Variants in AIFM1 observed in about 807,000 individuals in gnomAD.
The protein encoded by AIFM1 is apoptosis inducing factor mitochondria associated 1, also known as apoptosis-inducing factor 1, mitochondrial.
AIFM1 carries 3 observed loss-of-function variants against 51.7 expected under a neutral mutation model. That is an observed-to-expected ratio of 0.06 (90% CI 0.03 to 0.15). AIFM1 has a LOEUF of 0.15. AIFM1 is among the 10% of genes least tolerant of loss of function. AIFM1 has a pLI of 1.00. For synonymous variants in AIFM1, 178 were observed against 179.4 expected, an observed-to-expected ratio of 0.99 and a Z score of 0.06; for missense variants, 330 against 476.8, an observed-to-expected ratio of 0.69 and a Z score of 2.87.
chrX:130,149,622 G>A (rs1393510991), intron 2 of AIFM1, 54 bp from the exon 3 acceptor site: 7 of 850,352 alleles, frequency 8.2e-6, no homozygotes, highest in Non-Finnish European at 1.2e-5. Context: ...AGCTCATACT[G>A]TAAGTAATAT....
intron 1 of AIFM1, among the ~76,000 whole-genome samples, chrX:130,157,751 G>C (rs1301046853): frequency 9.1e-6 from 1 of 109,719 alleles, no homozygotes; most frequent in African/African-American, 3.3e-5. Flanking sequence ...CAGATCACGA[G>C]GTCAAGAGAT....
chrX:130,157,935 CAGAGTGAGACTCCGTCTCAAAAA>C (rs1208920054), intron 1 of AIFM1, among the ~76,000 whole-genome samples: 23 of 79,140 alleles, frequency 2.9e-4, no homozygotes, highest in African/African-American at 1.1e-3. Context: ...AGCCTGGCAA[CAGAGTGAGACTCCGTCTCAAAAA>C]AAAAAAAAAA....
chrX:130,147,013 T>C, intron 5 of AIFM1, among the ~76,000 whole-genome samples: 1 of 110,718 alleles, frequency 9.0e-6, no homozygotes, highest in Non-Finnish European at 1.9e-5. Flanking sequence ...ATACAAAAAA[T>C]TAGCCGGGTG....
intron 1 of AIFM1, among the ~76,000 whole-genome samples, chrX:130,162,129 T>C (rs759484497): frequency 1.8e-5 from 2 of 112,137 alleles, no homozygotes; most frequent in East Asian, 5.6e-4. Flanking sequence ...TGGTACAAGA[T>C]GCTAAGGACA....
At chrX:130,155,907 A>G (rs1178919220) in intron 2 of AIFM1, among the ~76,000 whole-genome samples, 1 of 112,283 alleles carries the variant, frequency 8.9e-6, no homozygotes, top group Non-Finnish European at 1.9e-5. Context: ...TAAACACCAT[A>G]TTTCTCACCT....
At chrX:130,164,545 AT>A (rs935466261) in intron 1 of AIFM1, among the ~76,000 whole-genome samples, 3 of 111,178 alleles carry the variant, frequency 2.7e-5, no homozygotes, top group Non-Finnish European at 3.8e-5. Flanking sequence ...AGGATTACTG[AT>A]TTTTTTTTCA....
chrX:130,156,701 CCA>C (rs1450372500), intron 1 of AIFM1, 98 bp from the exon 2 acceptor site: 15 of 934,188 alleles, frequency 1.6e-5, no homozygotes, highest in Non-Finnish European at 2.0e-5. Context: ...GACTTATTGC[CCA>C]CAGATATTCA....
At chrX:130,148,319 T>C (rs191781652) in intron 3 of AIFM1, among the ~76,000 whole-genome samples, 11 of 110,862 alleles carry the variant, frequency 9.9e-5, no homozygotes, top group Non-Finnish European at 1.7e-4. Flanking sequence ...TGTTCAAGAA[T>C]AAGGGGGTGC....
chrX:130,136,245 G>GTC, intron 11 of AIFM1, 60 bp from the exon 12 acceptor site: 2 of 1,149,238 alleles, frequency 1.7e-6, no homozygotes, highest in Admixed American at 4.4e-5. Context: ...GCCTACAGGC[G>GTC]TAACAATGGC....
chrX:130,165,820 G>C lies in AIFM1; in HGVS notation c.-164C>G, dbSNP rs1257724095. ...GGGCATTGGACAGAGAAGCCGGCCT[G>C]CTAGAGCCGGGGAAGGGGAACGGCG... On this transcript the variant is annotated 5_prime_UTR_variant, in exon 1 of 16. Transcript: ENST00000287295. 1.2e-5 allele frequency: 6 copies of C among 516,950 alleles called. No individual in the cohort carries two copies. Among genetic ancestry groups the C allele is most frequent in the Non-Finnish European group, 2.1e-5 (6 of 289,518 alleles). The allele number at this position is 516,950 out of a possible 1,213,427, so 42.6% of individuals were successfully genotyped here. A position where few individuals can be genotyped will look rare whatever the true frequency, so the allele number is the denominator to read the frequency against.
intron 12 of AIFM1, among the ~76,000 whole-genome samples, chrX:130,134,519 G>A (rs774733723): frequency 1.8e-5 from 2 of 110,929 alleles, no homozygotes; most frequent in South Asian, 7.6e-4. Context: ...TATGTTGTCC[G>A]GGTTGCTGAG....
intron 12 of AIFM1, among the ~76,000 whole-genome samples, chrX:130,134,537 T>C (rs893136722): frequency 1.8e-5 from 2 of 111,413 alleles, no homozygotes; most frequent in Non-Finnish European, 3.8e-5. Context: ...GAGACAAAAC[T>C]GACATGGACC....
chrX:130,153,331 C>T (rs1340299347), intron 2 of AIFM1, among the ~76,000 whole-genome samples: 1 of 84,217 alleles, frequency 1.2e-5, no homozygotes, highest in Non-Finnish European at 2.2e-5. Context: ...CCAGCCTGGG[C>T]GACACAGAGA....
At chrX:130,156,735 T>A in intron 1 of AIFM1, 132 bp from the exon 2 acceptor site, 1 of 737,020 alleles carries the variant, frequency 1.4e-6, no homozygotes, top group Non-Finnish European at 2.0e-6. Flanking sequence ...TCAAGAAAAA[T>A]ATCATCAAAA....
At chrX:130,157,658 T>C (rs900715028) in intron 1 of AIFM1, among the ~76,000 whole-genome samples, 7 of 112,203 alleles carry the variant, frequency 6.2e-5, no homozygotes, top group Admixed American at 9.4e-5. Flanking sequence ...CGAAATTCTT[T>C]TTTTTTTCAG....
chrX:130,133,967 G>T (rs991465798), intron 12 of AIFM1, among the ~76,000 whole-genome samples: 3 of 110,896 alleles, frequency 2.7e-5, no homozygotes, highest in Non-Finnish European at 5.7e-5. Flanking sequence ...TCCAGGCCAG[G>T]TGCAGTGGCA....
intron 10 of AIFM1, 29 bp downstream of exon 10, chrX:130,137,049 G>A (rs755949421): frequency 8.3e-7 from 1 of 1,209,322 alleles, no homozygotes; most frequent in South Asian, 1.8e-5. Flanking sequence ...AGGAAATAGA[G>A]TGGCAGCATA....
At chrX:130,161,175 G>C (rs1209167191) in intron 1 of AIFM1, among the ~76,000 whole-genome samples, 1 of 111,077 alleles carries the variant, frequency 9.0e-6, no homozygotes, top group Non-Finnish European at 1.9e-5. Flanking sequence ...ATACGTTCTT[G>C]AGACTTGTTT....
Position 130,129,566 on chromosome X carries a change from A to C in AIFM1, c.1833T>G (p.His611Gln). The C allele has an allele frequency of 8.3e-7, 1 of 1,210,558 alleles. No homozygotes were observed. Among genetic ancestry groups the C allele is most frequent in the Non-Finnish European group, 1.1e-6 (1 of 894,564 alleles). The change falls in exon 16 of 16, where the codon CAT (histidine) becomes CAG (glutamine). Residue 611 changes from histidine to glutamine, a missense_variant. His to Gln is a conservative substitution (Grantham distance 24). Coordinates refer to ENST00000287295, the MANE Select transcript of AIFM1 (RefSeq NM_004208.4). ...ATTCCACTGTGGGGCTTCAGTCTTC[A>C]TGAATGTTGAATAGTTTGGCTACTT... The part of the protein sequence containing the change: ...LNEVAKLFNI[H>Q]ED
Sources: allele counts gnomAD v4.1 joint callset (sites outside exome capture counted in the v4.1 genomes callset), GRCh38; gene constraint gnomAD v4.1.1; transcripts MANE v1.5; gene names NCBI Gene and HGNC (gene_info 2026-07-23, HGNC 2026-07-21).